The following STK32B variants were observed in gnomAD, a reference collection of about 807,000 sequenced individuals.
The protein encoded by STK32B is serine/threonine-protein kinase 32B.
In STK32B, 43 loss-of-function variants were observed where a neutral mutation model predicts 52.6. The ratio of observed to expected loss-of-function variants is 0.82; its 90% CI spans 0.64 to 1.05. The LOEUF is 1.05. Among genes scored for constraint, STK32B ranks in the 50% least tolerant of loss-of-function variants. The probability of loss-of-function intolerance (pLI) is 0.00; values close to 1 mark genes in which losing one functional copy is unlikely to be tolerated. For missense variants in STK32B, 621 were observed against 534.6 expected, an observed-to-expected ratio of 1.16 and a Z score of -1.59; for synonymous variants, 238 against 204.3, an observed-to-expected ratio of 1.17 and a Z score of -1.41.
chr4:5,157,535 G>A (rs1299169083), intron 2 of STK32B, among the ~76,000 whole-genome samples: 5 of 152,154 alleles, frequency 3.3e-5, no homozygotes, highest in African/African-American at 1.2e-4. Context: ...CCCAACTGCT[G>A]AGAAAGAAAT....
rs142305782 is a variant in STK32B at position 5,307,411 on chromosome 4, T to C, written c.261-23809T>C. On this transcript the variant is annotated intron_variant, in intron 3 of 11. Coordinates refer to ENST00000282908, the MANE Select transcript of STK32B (RefSeq NM_018401.3). ...CTTCAATCTCTGAAGTTCTTTCTTC[T>C]ACTTGTTCAGTTCTATTTCTGAGAC... Among the ~76,000 whole-genome samples the C allele has an allele frequency of 3.1e-3, 468 of 152,304 alleles. 1 individual carries two copies. Among genetic ancestry groups the C allele is most frequent in the Admixed American group, 0.022 (337 of 15,298 alleles).
chr4:5,364,445 C>T (rs943758595), intron 4 of STK32B, among the ~76,000 whole-genome samples: 3 of 152,206 alleles, frequency 2.0e-5, no homozygotes, highest in African/African-American at 7.2e-5. Context: ...ACATGCCTGC[C>T]AGCAAACCCC....
At chr4:5,053,572 C>T (rs1458202124) in intron 1 of STK32B, among the ~76,000 whole-genome samples, 1 of 152,164 alleles carries the variant, frequency 6.6e-6, no homozygotes, top group African/African-American at 2.4e-5. Flanking sequence ...TGAAAATATT[C>T]ATTGGCAAAA....
At chr4:5,250,766 G>A (rs976747008) in intron 3 of STK32B, among the ~76,000 whole-genome samples, 11 of 152,306 alleles carry the variant, frequency 7.2e-5, no homozygotes, top group Admixed American at 7.2e-4. Flanking sequence ...TCTGACTGGT[G>A]TGAGATGGCA....
chr4:5,168,943 C>T (rs1719110768), intron 3 of STK32B, among the ~76,000 whole-genome samples: 2 of 152,220 alleles, frequency 1.3e-5, no homozygotes, highest in Non-Finnish European at 2.9e-5. Flanking sequence ...TCCAACCCGT[C>T]CTTGGCTATT....
intron 11 of STK32B, among the ~76,000 whole-genome samples, chr4:5,492,294 C>T (rs376028631): frequency 1.1e-4 from 16 of 152,252 alleles, no homozygotes; most frequent in Middle Eastern, 3.4e-3. Context: ...AGGTCCTTCA[C>T]ATCCCTTGTA....
chr4:5,053,523 C>G lies in STK32B; in HGVS notation c.52+1608C>G, dbSNP rs140977973. Among the ~76,000 whole-genome samples the G allele has an allele frequency of 9.2e-5, 14 of 152,150 alleles. No homozygotes were observed. In the South Asian group the frequency reaches 2.1e-3, roughly 23 times the overall value. On this transcript the variant is annotated intron_variant, in intron 1 of 11. Coordinates refer to ENST00000282908, the MANE Select transcript of STK32B (RefSeq NM_018401.3). The stretch of plus-strand genomic sequence containing the variant: ...TTTATTTACAGAGGAAATTTGCCAC[C>G]CTTATATTGAAAACCGTCTCTGTCA...
chr4:5,319,453 C>T (rs930305096), intron 3 of STK32B, among the ~76,000 whole-genome samples: 4 of 152,178 alleles, frequency 2.6e-5, no homozygotes, highest in Non-Finnish European at 4.4e-5. Context: ...TCTCCTGTTT[C>T]CAAATCCTCA....
At chr4:5,441,352 G>A (rs1182475917) in intron 6 of STK32B, among the ~76,000 whole-genome samples, 4 of 151,108 alleles carry the variant, frequency 2.6e-5, no homozygotes, top group African/African-American at 9.7e-5. Context: ...ATGTGTCCAG[G>A]AATTTATCCA....
intron 1 of STK32B, among the ~76,000 whole-genome samples, chr4:5,082,085 T>C (rs1411192309): frequency 1.3e-5 from 2 of 152,196 alleles, no homozygotes; most frequent in African/African-American, 4.8e-5. Context: ...TAGGCTTTCT[T>C]AGACCTCTTA....
chr4:5,053,045 C>T (rs865990950), intron 1 of STK32B, among the ~76,000 whole-genome samples: 1 of 152,178 alleles, frequency 6.6e-6, no homozygotes, highest in Admixed American at 6.5e-5. Context: ...TGGCTGTGTG[C>T]GTACATCATG....
chr4:5,317,470 A>AAT (rs1365916412), intron 3 of STK32B, among the ~76,000 whole-genome samples: 1 of 49,524 alleles, frequency 2.0e-5, no homozygotes, highest in South Asian at 4.9e-4. Flanking sequence ...ATATATGTAT[A>AAT]ATATATATAT....
intron 3 of STK32B, among the ~76,000 whole-genome samples, chr4:5,268,226 T>C (rs565495893): frequency 6.6e-6 from 1 of 152,206 alleles, no homozygotes. Context: ...GCATACCTTT[T>C]TCTCTGAGGT....
intron 5 of STK32B, among the ~76,000 whole-genome samples, chr4:5,407,364 C>T (rs73093895): frequency 0.013 from 2,022 of 152,182 alleles, 41 homozygotes; most frequent in African/African-American, 0.041. Context: ...CTGAGCCCTC[C>T]GCACTCTTCC....
chr4:5,203,086 A>T (rs1040330598), intron 3 of STK32B, among the ~76,000 whole-genome samples: 2 of 151,908 alleles, frequency 1.3e-5, no homozygotes, highest in Non-Finnish European at 2.9e-5. Context: ...AAGTTAACCA[A>T]CCTCTCTGGC....
intron 3 of STK32B, among the ~76,000 whole-genome samples, chr4:5,205,516 G>A (rs1722497091): frequency 6.6e-6 from 1 of 152,150 alleles, no homozygotes; most frequent in Non-Finnish European, 1.5e-5. Context: ...AGCGCTGTGG[G>A]TGTGTGGAGC....
chr4:5,228,504 G>C (rs1025816877), intron 3 of STK32B, among the ~76,000 whole-genome samples: 6 of 152,116 alleles, frequency 3.9e-5, no homozygotes, highest in Admixed American at 2.6e-4. Flanking sequence ...TTCATTTATA[G>C]TTTGAAAAGC....
At chr4:5,253,687 G>C (rs1193475185) in intron 3 of STK32B, among the ~76,000 whole-genome samples, 1 of 152,002 alleles carries the variant, frequency 6.6e-6, no homozygotes, top group African/African-American at 2.4e-5. Context: ...CAGAGTTTCA[G>C]TTTTGCAAGA....
intron 4 of STK32B, among the ~76,000 whole-genome samples, chr4:5,361,655 A>T (rs1044169974): frequency 4.6e-5 from 7 of 152,068 alleles, no homozygotes; most frequent in Non-Finnish European, 7.4e-5. Flanking sequence ...GCCTATTTCA[A>T]TTTTTTTTGA....
Sources: gnomAD v4.1 joint callset for allele counts (sites outside exome capture counted in the v4.1 genomes callset) on GRCh38, gnomAD v4.1.1 for gene constraint, MANE v1.5 for transcripts, NCBI Gene and HGNC (gene_info 2026-07-23, HGNC 2026-07-21) for gene names.